ITSN1: variants seen among roughly 807,000 people sequenced by gnomAD.
ITSN1 encodes the protein intersectin-1.
A neutral mutation model predicts 239.8 loss-of-function variants in ITSN1; 58 were observed. The observed-to-expected ratio is 0.24, with a 90% CI of 0.20 to 0.30. The LOEUF (loss-of-function observed/expected upper bound fraction) is 0.30. Ranked by LOEUF, ITSN1 falls within the 10% of genes least tolerant of loss-of-function variation. The probability of loss-of-function intolerance (pLI) is 1.00; values close to 1 mark genes in which losing one functional copy is unlikely to be tolerated. For synonymous variants in ITSN1, 780 were observed against 770.8 expected (o/e 1.01, Z -0.20); for missense variants, 1,558 against 2,103.3 (o/e 0.74, Z 5.07).
chr21:33,859,876 GC>G (rs1980134044), intron 31 of ITSN1, among the ~76,000 whole-genome samples: 1 of 152,084 alleles, frequency 6.6e-6, no homozygotes, highest in Non-Finnish European at 1.5e-5. Flanking sequence ...CGTTGCCCGC[GC>G]CCCCTGCCAC....
At chr21:33,713,493 C>T (rs1362710848) in intron 1 of ITSN1, among the ~76,000 whole-genome samples, 4 of 148,232 alleles carry the variant, frequency 2.7e-5, no homozygotes, top group East Asian at 2.0e-4. Flanking sequence ...CTGCTTGCCT[C>T]GGCCTCCCAG....
At chr21:33,662,130 C>T (rs2089606416) in intron 1 of ITSN1, among the ~76,000 whole-genome samples, 1 of 152,186 alleles carries the variant, frequency 6.6e-6, no homozygotes, top group Non-Finnish European at 1.5e-5. Flanking sequence ...ATCTGGATCT[C>T]ACCATAGAAT....
chr21:33,738,547 AC>A (rs1310511145), intron 5 of ITSN1, among the ~76,000 whole-genome samples: 1 of 151,912 alleles, frequency 6.6e-6, no homozygotes, highest in African/African-American at 2.4e-5. Context: ...GATTACAGGC[AC>A]CCACCACCAC....
intron 16 of ITSN1, among the ~76,000 whole-genome samples, chr21:33,790,589 G>GA (rs1240958318): frequency 1.1e-4 from 17 of 151,110 alleles, no homozygotes; most frequent in African/African-American, 1.7e-4. Context: ...ACTGGTTTTA[G>GA]AAAAAAAAAT....
intron 9 of ITSN1, among the ~76,000 whole-genome samples, chr21:33,765,158 A>C (rs529622432): frequency 2.6e-5 from 4 of 152,356 alleles, no homozygotes; most frequent in African/African-American, 9.6e-5. Context: ...ATAAACTGTA[A>C]AATATTTACT....
chr21:33,721,334 A>G lies in ITSN1; in HGVS notation c.121+64A>G, dbSNP rs934321043. On this transcript the variant is annotated intron_variant, in intron 3 of 39. Transcript: ENST00000381318. ...TAGTGCAGATGTCTGTGGAAACTCT[A>G]TCATGCAAAGACGAGATGGGCAAAT... is the stretch of plus-strand genomic sequence containing the variant. The G allele has an allele frequency of 6.5e-6, 7 of 1,070,130 alleles. No individual in the cohort carries two copies. The East Asian group carries it at 9.5e-5, about 14-fold the overall frequency. 66.3% of individuals were successfully genotyped at this position (1,070,130 alleles called of 1,614,324 possible).
chr21:33,704,160 G>A (rs971617367), intron 1 of ITSN1, among the ~76,000 whole-genome samples: 1 of 152,110 alleles, frequency 6.6e-6, no homozygotes, highest in Non-Finnish European at 1.5e-5. Context: ...CAAAAAATGT[G>A]TGACTTCCTG....
At chr21:33,644,264 A>C (rs767877445) in intron 1 of ITSN1, among the ~76,000 whole-genome samples, 1 of 152,210 alleles carries the variant, frequency 6.6e-6, no homozygotes, top group African/African-American at 2.4e-5. Context: ...ATACATACAT[A>C]TGAAAGAAAA....
intron 20 of ITSN1, among the ~76,000 whole-genome samples, chr21:33,805,520 A>C (rs2072345016): frequency 6.6e-6 from 1 of 152,176 alleles, no homozygotes; most frequent in South Asian, 2.1e-4. Context: ...AATCTGGCCC[A>C]ATCACTGCCT....
rs955148055 is a variant in ITSN1 at position 33,686,565 on chromosome 21, G to T, written c.-32-32232G>T. Among the ~76,000 whole-genome samples the T allele has an allele frequency of 8.1e-4, 124 of 152,228 alleles. 2 individuals carry two copies. Among genetic ancestry groups the T allele is most frequent in the Non-Finnish European group, 1.9e-4 (13 of 68,014 alleles). On this transcript the variant is annotated intron_variant, in intron 1 of 39. Coordinates refer to ENST00000381318, the MANE Select transcript of ITSN1 (RefSeq NM_003024.3). ...ATCCTTCTGGCCTCTCCATTTTCAG[G>T]GTAGAGTTACTGTTTACAGTGACAT...
intron 14 of ITSN1, among the ~76,000 whole-genome samples, chr21:33,776,386 T>TTA (rs1555910678): frequency 1.6e-5 from 2 of 126,190 alleles, no homozygotes; most frequent in African/African-American, 6.1e-5. Context: ...ACCCCATCTC[T>TTA]AAAAAAAAAA....
chr21:33,729,906 G>A (rs2066064140), intron 4 of ITSN1, among the ~76,000 whole-genome samples: 1 of 152,188 alleles, frequency 6.6e-6, no homozygotes, highest in Non-Finnish European at 1.5e-5. Context: ...CTTTTGCATA[G>A]TGAATTGAAG....
intron 30 of ITSN1, among the ~76,000 whole-genome samples, chr21:33,858,073 C>T (rs1979705535): frequency 1.3e-5 from 2 of 152,276 alleles, no homozygotes; most frequent in African/African-American, 2.4e-5. Flanking sequence ...CTCAACCACA[C>T]AGAGCTTGGA....
intron 1 of ITSN1, among the ~76,000 whole-genome samples, chr21:33,658,019 A>C (rs2089235749): frequency 6.6e-6 from 1 of 152,168 alleles, no homozygotes; most frequent in African/African-American, 2.4e-5. Flanking sequence ...TGACTCCCCC[A>C]AAACGTAACT....
chr21:33,875,647 C>G (rs1427607184), intron 34 of ITSN1, 126 bp downstream of exon 34: 9 of 817,450 alleles, frequency 1.1e-5, no homozygotes, highest in Non-Finnish European at 1.7e-5. Flanking sequence ...TTCCATCCAG[C>G]TGCTTCTCAT....
chr21:33,877,059 C>CTTTTTTTTTTTTTTTTT lies in ITSN1; in HGVS notation c.4341+1550_4341+1551insTTTTTTTTTTTTTTTTT, dbSNP rs10529259. ...TCCTTAGAACTTTACCTGTGGGCAC[C>CTTTTTTTTTTTTTTTTT]TTTTTTTTTTTTGAAATGGAGTCTC... On this transcript the variant is annotated intron_variant, in intron 34 of 39. Transcript: ENST00000381318. 5.4e-3 allele frequency among the ~76,000 whole-genome samples: 573 copies of CTTTTTTTTTTTTTTTTT among 106,370 alleles called. 188 individuals are homozygous for CTTTTTTTTTTTTTTTTT. The highest frequency in any genetic ancestry group is 0.025 in the Middle Eastern group (4 of 162). 69.8% of individuals were successfully genotyped at this position (106,370 alleles called of 152,430 possible).
At chr21:33,815,249 C>G (rs2073188795) in intron 22 of ITSN1, among the ~76,000 whole-genome samples, 1 of 152,036 alleles carries the variant, frequency 6.6e-6, no homozygotes, top group Admixed American at 6.6e-5. Flanking sequence ...GAGAAAATAG[C>G]AAATCCACAG....
rs1569355909 is a variant in ITSN1 at position 33,894,021 on chromosome 21, G to A, written c.*5721G>A. On this transcript the variant is annotated 3_prime_UTR_variant, in exon 40 of 40. Transcript: ENST00000381318. ...GAAACATCTTAGTAGTTAATGCACTGTTCATTTAGGGAGTCCCCATCCTGG... is the reference window on the plus strand; with the variant it reads ...GAAACATCTTAGTAGTTAATGCACTATTCATTTAGGGAGTCCCCATCCTGG... The A allele has an allele frequency of 6.6e-6, 1 of 152,230 alleles. No homozygotes were observed. The highest frequency in any genetic ancestry group is 1.5e-5 in the Non-Finnish European group (1 of 68,048). 9.4% of individuals were successfully genotyped at this position (152,230 alleles called of 1,614,324 possible).
At chr21:33,842,744 T>C (rs1253884567) in intron 29 of ITSN1, among the ~76,000 whole-genome samples, 1 of 152,152 alleles carries the variant, frequency 6.6e-6, no homozygotes, top group African/African-American at 2.4e-5. Context: ...TGTTCCTTAT[T>C]TTGACTCAGA....
Sources: allele counts gnomAD v4.1 joint callset (sites outside exome capture counted in the v4.1 genomes callset), GRCh38; gene constraint gnomAD v4.1.1; transcripts MANE v1.5; gene names NCBI Gene and HGNC (gene_info 2026-07-23, HGNC 2026-07-21).